Variants in BANK1 observed in about 807,000 individuals in gnomAD.
BANK1 encodes the protein B cell scaffold protein with ankyrin repeats 1.
BANK1 carries 95 observed loss-of-function variants against 94.5 expected under a neutral mutation model. That is an observed-to-expected ratio of 1.00 (90% CI 0.85 to 1.19). BANK1 has a LOEUF of 1.19. Among genes scored for constraint, BANK1 ranks in the 50% most tolerant of loss-of-function variants. The pLI is 0.00. For synonymous variants in BANK1, 334 were observed against 308.4 expected (o/e 1.08, Z -0.87); for missense variants, 987 against 932.2 (o/e 1.06, Z -0.77).
intron 2 of BANK1, among the ~76,000 whole-genome samples, chr4:101,844,071 T>C (rs1237790493): frequency 1.3e-5 from 2 of 152,232 alleles, no homozygotes; most frequent in African/African-American, 2.4e-5. Flanking sequence ...GAGCTTCTAC[T>C]ATGTGGCAGG....
At chr4:101,953,781 A>G (rs1163381698) in intron 7 of BANK1, among the ~76,000 whole-genome samples, 1 of 152,038 alleles carries the variant, frequency 6.6e-6, no homozygotes, top group Non-Finnish European at 1.5e-5. Context: ...CCTAAATTTT[A>G]TTGTCAGTTG....
intron 1 of BANK1, among the ~76,000 whole-genome samples, chr4:101,793,558 C>G (rs1376046185): frequency 1.3e-5 from 2 of 152,184 alleles, no homozygotes; most frequent in Non-Finnish European, 2.9e-5. Flanking sequence ...TCTGCAATAT[C>G]TATCTGAGGA....
rs183920209 is a variant in BANK1 at position 101,824,454 on chromosome 4, G to T, written c.71-5354G>T. ...TGGAATTAGCCACTTTCCCAGAGGA[G>T]AAATATGAGTTATGATGTTTCACTA... On this transcript the variant is annotated intron_variant, in intron 1 of 16. Coordinates refer to ENST00000322953, the MANE Select transcript of BANK1 (RefSeq NM_017935.5). Among the ~76,000 whole-genome samples, 5 of 152,324 alleles carry T rather than the reference G, an allele frequency of 3.3e-5. No individual in the cohort carries two copies. In the East Asian group the frequency reaches 9.6e-4, roughly 29 times the overall value.
At chr4:101,882,772 A>T (rs1728724031) in intron 5 of BANK1, among the ~76,000 whole-genome samples, 1 of 152,240 alleles carries the variant, frequency 6.6e-6, no homozygotes, top group Non-Finnish European at 1.5e-5. Context: ...TGCCAAAAAA[A>T]TTCTTAGATT....
At chr4:101,874,584 A>G (rs565095654) in intron 5 of BANK1, among the ~76,000 whole-genome samples, 3 of 152,296 alleles carry the variant, frequency 2.0e-5, no homozygotes, top group African/African-American at 7.2e-5. Context: ...CTTCCTTGCT[A>G]CAAACTTTCA....
At chr4:101,899,765 C>G (rs1246658104) in intron 6 of BANK1, among the ~76,000 whole-genome samples, 1 of 152,110 alleles carries the variant, frequency 6.6e-6, no homozygotes, top group Non-Finnish European at 1.5e-5. Flanking sequence ...GAGAATTTGG[C>G]CTTCGTCATC....
At chr4:101,824,497 A>C (rs1270396218) in intron 1 of BANK1, among the ~76,000 whole-genome samples, 1 of 152,212 alleles carries the variant, frequency 6.6e-6, no homozygotes, top group Non-Finnish European at 1.5e-5. Flanking sequence ...ACCTTTGAAA[A>C]ATCCCCAGTT....
chr4:101,813,460 C>G (rs148165558), intron 1 of BANK1, among the ~76,000 whole-genome samples: 1 of 152,220 alleles, frequency 6.6e-6, no homozygotes, highest in Non-Finnish European at 1.5e-5. Context: ...TATAAAAAAG[C>G]CACTATGGTG....
chr4:101,872,141 T>C (rs932124675), intron 5 of BANK1, among the ~76,000 whole-genome samples: 4 of 152,088 alleles, frequency 2.6e-5, no homozygotes, highest in Non-Finnish European at 4.4e-5. Flanking sequence ...AGGCACAGGA[T>C]GATTCAGGTT....
intron 1 of BANK1, among the ~76,000 whole-genome samples, chr4:101,807,012 T>G (rs1256620380): frequency 6.6e-6 from 1 of 152,192 alleles, no homozygotes; most frequent in Admixed American, 6.5e-5. Context: ...TGAGAACTAG[T>G]TAGCAAGGAG....
At chr4:101,813,471 AT>A (rs1380703342) in intron 1 of BANK1, among the ~76,000 whole-genome samples, 1 of 152,244 alleles carries the variant, frequency 6.6e-6, no homozygotes, top group Non-Finnish European at 1.5e-5. Context: ...CACTATGGTG[AT>A]TCTCAAACTT....
intron 1 of BANK1, among the ~76,000 whole-genome samples, chr4:101,827,433 G>T (rs1035942208): frequency 6.6e-6 from 1 of 151,752 alleles, no homozygotes; most frequent in African/African-American, 2.4e-5. Flanking sequence ...TCAAATTTAG[G>T]CAGTGTTAAA....
chr4:101,904,358 G>A (rs1472641432), intron 6 of BANK1, among the ~76,000 whole-genome samples: 2 of 152,158 alleles, frequency 1.3e-5, no homozygotes, highest in South Asian at 2.1e-4. Context: ...ATTCCAAGGG[G>A]AAAATGTTGG....
intron 2 of BANK1, among the ~76,000 whole-genome samples, 197 bp downstream of exon 2, chr4:101,830,403 A>C (rs972163220): frequency 6.6e-6 from 1 of 152,176 alleles, no homozygotes. Context: ...TATTCCAATC[A>C]AGGCTTATTC....
intron 7 of BANK1, among the ~76,000 whole-genome samples, chr4:101,981,355 T>C (rs1245657848): frequency 1.3e-5 from 2 of 152,094 alleles, no homozygotes; most frequent in African/African-American, 2.4e-5. Context: ...TTTAGACTAA[T>C]TAATATAATA....
rs1560648642 is a variant in BANK1, at chr4:101,950,066, T to TGTGTGTGC, written c.1206+31878_1206+31879insTGTGTGCG. 4.6e-4 allele frequency among the ~76,000 whole-genome samples: 56 copies of TGTGTGTGC among 121,950 alleles called. 1 individual carries two copies. Among genetic ancestry groups the TGTGTGTGC allele is most frequent in the African/African-American group, 2.0e-3 (53 of 27,032 alleles). 80.0% of individuals were successfully genotyped at this position (121,950 alleles called of 152,430 possible). ...GTGTGTGTGTGTGTGTGTGTGCGCG[T>TGTGTGTGC]GCGCGCGCATGTGCCTACACAAATG... On this transcript the variant is annotated intron_variant, in intron 7 of 16. Transcript: ENST00000322953.
At chr4:101,872,197 A>G (rs947610432) in intron 5 of BANK1, among the ~76,000 whole-genome samples, 1 of 152,118 alleles carries the variant, frequency 6.6e-6, no homozygotes, top group Admixed American at 6.6e-5. Context: ...CTGAGTAATG[A>G]TGGACAGAAT....
chr4:102,030,746 A>G (rs1037992838), intron 10 of BANK1, among the ~76,000 whole-genome samples: 1 of 152,152 alleles, frequency 6.6e-6, no homozygotes, highest in Non-Finnish European at 1.5e-5. Flanking sequence ...AGCATCATCC[A>G]TGTCCCTGCA....
chr4:102,027,607 C>T (rs529942421), intron 9 of BANK1, among the ~76,000 whole-genome samples: 2 of 150,214 alleles, frequency 1.3e-5, no homozygotes, highest in South Asian at 4.2e-4. Flanking sequence ...TTGACTTTGG[C>T]TAGTGATACC....
Sources: allele counts gnomAD v4.1 joint callset (sites outside exome capture counted in the v4.1 genomes callset), GRCh38; gene constraint gnomAD v4.1.1; transcripts MANE v1.5; gene names NCBI Gene and HGNC (gene_info 2026-07-23, HGNC 2026-07-21).